Variants in CYP4B1 observed in about 807,000 individuals in gnomAD.
CYP4B1 encodes the protein cytochrome P450 4B1.
Under a neutral mutation model 54.0 loss-of-function variants are expected in CYP4B1, and 45 were observed. The ratio of observed to expected loss-of-function variants is 0.83; its 90% CI spans 0.66 to 1.07. The LOEUF (loss-of-function observed/expected upper bound fraction) is 1.07. Ranked by LOEUF, CYP4B1 falls within the 50% of genes least tolerant of loss-of-function variation. The pLI is 0.00. For synonymous variants in CYP4B1, 248 were observed against 247.5 expected (o/e 1.00, Z -0.02); for missense variants, 656 against 655.4 (o/e 1.00, Z -0.01).
rs45564440 is a variant in CYP4B1 at position 46,803,631 on chromosome 1, T to G, written c.180+4370T>G. ...AGGAGGCTCAGTGGTGGGCAGCACTTGTCAGTGTCTGGGTATGGGATCCTC... is the reference window on the plus strand; with the variant it reads ...AGGAGGCTCAGTGGTGGGCAGCACTGGTCAGTGTCTGGGTATGGGATCCTC... On this transcript the variant is annotated intron_variant, in intron 1 of 11. Coordinates refer to ENST00000371923, the MANE Select transcript of CYP4B1 (RefSeq NM_001099772.2). 8.6e-3 allele frequency among the ~76,000 whole-genome samples: 1,304 copies of G among 152,288 alleles called. 19 individuals are homozygous for G. Among genetic ancestry groups the G allele is most frequent in the African/African-American group, 0.028 (1,175 of 41,576 alleles).
Position 46,818,794 on chromosome 1 carries a change from G to C in CYP4B1, c.1519G>C (p.Gly507Arg). 2 of 1,614,056 alleles carry C rather than the reference G, an allele frequency of 1.2e-6. No individual in the cohort carries two copies. The highest frequency in any genetic ancestry group is 1.7e-5 in the Admixed American group (1 of 60,014). The part of the protein sequence containing the change: ...NGFHLHLKPL[G>R]PGSGK ...CTTTCACCTCCACCTGAAGCCACTG[G>C]GCCCTGGGTCTGGGAAGTAGCTCTG... The change falls in exon 12 of 12, where the codon GGC becomes CGC. Residue 507 changes from glycine (G) to arginine (R), a missense_variant. Physicochemically the swap from Gly to Arg is moderately radical, Grantham distance 125. Transcript: ENST00000371923.
chr1:46,804,123 G>A lies in CYP4B1; in HGVS notation c.180+4862G>A, dbSNP rs554688551. Among the ~76,000 whole-genome samples, 6 of 152,284 alleles carry A rather than the reference G, an allele frequency of 3.9e-5. 1 individual carries two copies. Among genetic ancestry groups the A allele is most frequent in the Admixed American group, 3.3e-4 (5 of 15,302 alleles). ...AGGTGAGAGCTTTCAGGGAGAAGACGCAAGGGAAGAGGCCAAGGACTGGAT... is the reference window on the plus strand; with the variant it reads ...AGGTGAGAGCTTTCAGGGAGAAGACACAAGGGAAGAGGCCAAGGACTGGAT... On this transcript the variant is annotated intron_variant, in intron 1 of 11. Transcript: ENST00000371923.
chr1:46,805,704 C>T (rs928147922), intron 1 of CYP4B1, among the ~76,000 whole-genome samples: 5 of 152,324 alleles, frequency 3.3e-5, no homozygotes, highest in Middle Eastern at 3.4e-3. Flanking sequence ...ATTGAGTCTG[C>T]TTTTCCCACT....
In CYP4B1 at chr1:46,812,522, C is replaced by T; in HGVS notation, c.394C>T (p.Pro132Ser). The T allele has an allele frequency of 6.2e-7, 1 of 1,613,756 alleles. No homozygotes were observed. The highest frequency in any genetic ancestry group is 1.1e-5 in the South Asian group (1 of 91,012). The change falls in exon 4 of 12, where the codon CCC becomes TCC. Residue 132 changes from proline to serine, a missense_variant. Coordinates refer to ENST00000371923, the MANE Select transcript of CYP4B1 (RefSeq NM_001099772.2). Reference protein sequence around the residue: ...IGRGLLVLEGPKWLQHRKLLT... With the variant: ...IGRGLLVLEGSKWLQHRKLLT... ...GAGAGGCCTGCTGGTTCTTGAGGGG[C>T]CCAAGTGGTTGCAGCACCGCAAGCT... is the stretch of plus-strand genomic sequence containing the variant.
In CYP4B1 at chr1:46,813,937, A is replaced by T; in HGVS notation, c.649A>T (p.Ser217Cys). ...GGACAGCAGCTACTACCTTGCAGTC[A>T]GCGATCTCACTCTGTTGATGCAGCA... ...SRDSSYYLAV[S>C]DLTLLMQQRL... Residue 217 changes from serine (S) to cysteine (C), a missense_variant, in exon 6 of 12, where the codon AGC becomes TGC. Ser to Cys is a moderately radical substitution (Grantham distance 112, BLOSUM62 -1). Coordinates refer to ENST00000371923, the MANE Select transcript of CYP4B1 (RefSeq NM_001099772.2). 1 of 1,614,140 alleles carries T rather than the reference A, an allele frequency of 6.2e-7. No individual in the cohort carries two copies. The highest frequency in any genetic ancestry group is 8.5e-7 in the Non-Finnish European group (1 of 1,180,004).
At chr1:46,800,313 C>CCT (rs1480492638) in intron 1 of CYP4B1, among the ~76,000 whole-genome samples, 1 of 132,942 alleles carries the variant, frequency 7.5e-6, no homozygotes, top group Admixed American at 8.0e-5. Context: ...TTCCTTCCTT[C>CCT]TCTTTCTCTC....
intron 1 of CYP4B1, among the ~76,000 whole-genome samples, chr1:46,806,425 C>T (rs1467676835): frequency 2.0e-5 from 3 of 152,208 alleles, no homozygotes; most frequent in Admixed American, 6.5e-5. Context: ...CACTGAGCTT[C>T]GGGTCAACTG....
At chr1:46,806,063 C>A (rs990950376) in intron 1 of CYP4B1, among the ~76,000 whole-genome samples, 1 of 152,214 alleles carries the variant, frequency 6.6e-6, no homozygotes, top group African/African-American at 2.4e-5. Flanking sequence ...ACTTTAGCGA[C>A]TAAGAAGCCT....
intron 5 of CYP4B1, 143 bp downstream of exon 5, chr1:46,813,749 C>T: frequency 7.0e-7 from 1 of 1,423,256 alleles, no homozygotes; most frequent in Non-Finnish European, 9.6e-7. Flanking sequence ...AGGACCTGCT[C>T]ATGGTGGGGT....
intron 10 of CYP4B1, 21 bp from the exon 11 acceptor site, chr1:46,818,110 A>T: frequency 6.2e-7 from 1 of 1,613,912 alleles, no homozygotes; most frequent in Non-Finnish European, 8.5e-7. Flanking sequence ...GCGAGTGTTT[A>T]AGCAAGGCCT....
chr1:46,810,625 C>A (rs1036459654), intron 1 of CYP4B1, among the ~76,000 whole-genome samples, 183 bp from the exon 2 acceptor site: 3 of 152,142 alleles, frequency 2.0e-5, no homozygotes, highest in African/African-American at 7.2e-5. Flanking sequence ...GGAATTAGAG[C>A]AGTGGTTGTG....
At chr1:46,814,959 A>G (rs1391679730) in intron 7 of CYP4B1, 115 bp from the exon 8 acceptor site, 2 of 889,928 alleles carry the variant, frequency 2.2e-6, no homozygotes, top group African/African-American at 3.3e-5. Context: ...CCACCCTCTG[A>G]AAAGGAGCTT....
chr1:46,813,504 G>A lies in CYP4B1; in HGVS notation c.518G>A (p.Arg173Gln), dbSNP rs144896315. The change falls in exon 5 of 12, where the codon CGG becomes CAG. Residue 173 changes from arginine to glutamine, a missense_variant. Coordinates refer to ENST00000371923, the MANE Select transcript of CYP4B1 (RefSeq NM_001099772.2). Reference protein sequence around the residue: ...IMLDKWEEKAREGKSFDIFCD... With the variant: ...IMLDKWEEKAQEGKSFDIFCD... Reference sequence around the variant, plus strand: ...CAGGACAAGTGGGAAGAGAAAGCTCGGGAGGGTAAGTCCTTTGACATCTTC... The same window carrying A: ...CAGGACAAGTGGGAAGAGAAAGCTCAGGAGGGTAAGTCCTTTGACATCTTC... The A allele has an allele frequency of 3.7e-4, 597 of 1,614,158 alleles. 1 individual carries two copies. In the East Asian group the frequency reaches 5.4e-3, roughly 15 times the overall value.
At chr1:46,813,738 C>G (rs1569900716) in intron 5 of CYP4B1, 132 bp downstream of exon 5, 18 of 1,447,224 alleles carry the variant, frequency 1.2e-5, no homozygotes, top group Non-Finnish European at 1.7e-5. Flanking sequence ...TGCGGGGAGA[C>G]AGGACCTGCT....
chr1:46,818,974 C>T lies in CYP4B1; in HGVS notation c.*160C>T. The T allele has an allele frequency of 5.0e-6, 3 of 600,160 alleles. No individual in the cohort carries two copies. Among genetic ancestry groups the T allele is most frequent in the South Asian group, 4.4e-5 (2 of 45,586 alleles). 37.2% of individuals were successfully genotyped at this position (600,160 alleles called of 1,614,324 possible). ...CATAGACGACTCCTAGAGGACAGTGCTATGTAAAAATGTGTGTCTATAAAT... is the reference window on the plus strand; with the variant it reads ...CATAGACGACTCCTAGAGGACAGTGTTATGTAAAAATGTGTGTCTATAAAT... On this transcript the variant is annotated 3_prime_UTR_variant, in exon 12 of 12. Coordinates refer to ENST00000371923, the MANE Select transcript of CYP4B1 (RefSeq NM_001099772.2).
Position 46,810,792 on chromosome 1 carries a change from T to C in CYP4B1, c.181-16T>C, listed in dbSNP as rs770395328. The C allele has an allele frequency of 2.5e-6, 4 of 1,614,068 alleles. 1 individual carries two copies. Among genetic ancestry groups the C allele is most frequent in the Middle Eastern group, 3.3e-4 (2 of 6,062 alleles). ...ATGTGTTCCTGAGTGACCTTGGCCT[T>C]CTGTCATCATTTCAGATCCAGGAGA... On this transcript the variant is annotated splice_polypyrimidine_tract_variant and intron_variant, in intron 1 of 11. Coordinates refer to ENST00000371923, the MANE Select transcript of CYP4B1 (RefSeq NM_001099772.2).
chr1:46,814,856 A>G (rs1037089843), intron 7 of CYP4B1: 1 of 574,880 alleles, frequency 1.7e-6, no homozygotes, highest in Non-Finnish European at 3.1e-6. Context: ...GTCACAAGTC[A>G]TTTGGCCAGA....
At chr1:46,808,416 T>G (rs1358408627) in intron 1 of CYP4B1, among the ~76,000 whole-genome samples, 1 of 151,964 alleles carries the variant, frequency 6.6e-6, no homozygotes, top group African/African-American at 2.4e-5. Context: ...CATTTTTTCA[T>G]GTGTTTTTTG....
chr1:46,802,854 G>A (rs3766208), intron 1 of CYP4B1, among the ~76,000 whole-genome samples: 19,294 of 152,242 alleles, frequency 0.13, 1,469 homozygotes, highest in East Asian at 0.26. Flanking sequence ...TGATGCTGAG[G>A]CACATTCTCA....
Sources: gnomAD v4.1 joint callset for allele counts (sites outside exome capture counted in the v4.1 genomes callset) on GRCh38, gnomAD v4.1.1 for gene constraint, MANE v1.5 for transcripts, NCBI Gene and HGNC (gene_info 2026-07-23, HGNC 2026-07-21) for gene names.